Variants in AK7 observed in about 807,000 individuals in gnomAD.
The protein encoded by AK7 is adenylate kinase 7.
In AK7, 78 loss-of-function variants were observed where a neutral mutation model predicts 96.6. The ratio of observed to expected loss-of-function variants is 0.81; its 90% CI spans 0.67 to 0.97. The LOEUF is 0.97. Ranked by LOEUF, AK7 falls within the 50% of genes least tolerant of loss-of-function variation. The pLI, the probability that AK7 is intolerant of heterozygous loss-of-function variation, is 0.00. For synonymous variants in AK7, 302 were observed against 317.2 expected (o/e 0.95, Z 0.51); for missense variants, 855 against 887.9 (o/e 0.96, Z 0.47).
chr14:96,406,039 TC>T (rs1360000461), intron 3 of AK7, among the ~76,000 whole-genome samples: 1 of 141,922 alleles, frequency 7.0e-6, no homozygotes, highest in Non-Finnish European at 1.5e-5. Flanking sequence ...GTGTTTCATG[TC>T]CCCCCAAAGC....
intron 1 of AK7, among the ~76,000 whole-genome samples, chr14:96,394,075 C>T (rs1889915064): frequency 6.6e-6 from 1 of 151,648 alleles, no homozygotes; most frequent in Non-Finnish European, 1.5e-5. Flanking sequence ...CACCACTTCG[C>T]TCCAGCCTGG....
At chr14:96,447,232 C>T (rs1893293586) in intron 8 of AK7, among the ~76,000 whole-genome samples, 1 of 152,216 alleles carries the variant, frequency 6.6e-6, no homozygotes, top group Admixed American at 6.5e-5. Context: ...CCAATAGGCA[C>T]TTGCCCCAAA....
chr14:96,440,655 G>A (rs946162517), intron 6 of AK7, among the ~76,000 whole-genome samples: 2 of 152,066 alleles, frequency 1.3e-5, no homozygotes, highest in African/African-American at 4.8e-5. Flanking sequence ...CCTCCAACCA[G>A]CTACATGATC....
chr14:96,486,075 C>A (rs538037699), intron 16 of AK7, among the ~76,000 whole-genome samples: 1 of 152,150 alleles, frequency 6.6e-6, no homozygotes, highest in South Asian at 2.1e-4. Context: ...TGAGCCACCG[C>A]GCCCAGCCCA....
intron 3 of AK7, among the ~76,000 whole-genome samples, chr14:96,407,041 C>T (rs774097111): frequency 1.1e-4 from 16 of 152,090 alleles, no homozygotes; most frequent in African/African-American, 1.4e-4. Flanking sequence ...CCTTGCCTTT[C>T]GCAGATACTA....
chr14:96,394,560 G>A (rs978261525), intron 1 of AK7, among the ~76,000 whole-genome samples: 15 of 152,320 alleles, frequency 9.8e-5, no homozygotes, highest in South Asian at 2.1e-4. Context: ...ATAGATTAGT[G>A]GAGCAGAGGC....
chr14:96,484,510 G>T (rs1261390656), intron 16 of AK7, among the ~76,000 whole-genome samples: 2 of 152,078 alleles, frequency 1.3e-5, no homozygotes, highest in African/African-American at 4.8e-5. Context: ...TGTCATTGTG[G>T]TCAAGGTCCT....
In AK7 at chr14:96,466,243, A is replaced by AT. The variant is rs905279737; in HGVS notation, c.1358-5225dup. ...TTTAATTTTTATTACTTATTTATTT[A>AT]TTTTTTTTTTGAGACAGAGTCCTCG... On this transcript the variant is annotated intron_variant, in intron 12 of 17. Transcript: ENST00000267584. 1.0e-3 allele frequency among the ~76,000 whole-genome samples: 147 copies of AT among 140,318 alleles called. 1 individual carries two copies. Among genetic ancestry groups the AT allele is most frequent in the African/African-American group, 3.1e-3 (117 of 37,776 alleles). 92.1% of individuals were successfully genotyped at this position (140,318 alleles called of 152,430 possible).
chr14:96,477,222 C>T (rs1895236656), intron 14 of AK7, among the ~76,000 whole-genome samples: 1 of 152,320 alleles, frequency 6.6e-6, no homozygotes, highest in East Asian at 1.9e-4. Flanking sequence ...GCTGTCTCAG[C>T]CTTTGTTTTC....
chr14:96,420,775 A>G (rs375565435), intron 4 of AK7, 47 bp from the exon 5 acceptor site: 110 of 1,332,744 alleles, frequency 8.3e-5, no homozygotes, highest in Non-Finnish European at 1.1e-4. Flanking sequence ...GAAGTCACAC[A>G]TCTCTAATTC....
At chr14:96,411,214 T>A (rs557553033) in intron 4 of AK7, among the ~76,000 whole-genome samples, 3 of 151,976 alleles carry the variant, frequency 2.0e-5, no homozygotes, top group African/African-American at 7.2e-5. Context: ...TTTAATTTTT[T>A]AAAAGAAAAA....
chr14:96,448,111 A>C (rs1470190686), intron 8 of AK7, among the ~76,000 whole-genome samples: 1 of 150,330 alleles, frequency 6.7e-6, no homozygotes, highest in Admixed American at 6.6e-5. Flanking sequence ...CCTGGGTGAC[A>C]GAGTGAGACC....
chr14:96,438,052 C>A (rs1178729864), intron 6 of AK7, 137 bp downstream of exon 6: 4 of 595,342 alleles, frequency 6.7e-6, no homozygotes, highest in Non-Finnish European at 8.6e-6. Context: ...ATGGATGTCA[C>A]CACAAAGACC....
intron 12 of AK7, among the ~76,000 whole-genome samples, chr14:96,469,418 G>A (rs928002698): frequency 6.6e-6 from 1 of 152,040 alleles, no homozygotes; most frequent in Admixed American, 6.6e-5. Context: ...CCAGCTACTC[G>A]GGAGGCTGAG....
At chr14:96,483,257 G>A in intron 16 of AK7, 38 bp downstream of exon 16, 1 of 1,555,492 alleles carries the variant, frequency 6.4e-7, no homozygotes, top group South Asian at 1.2e-5. Context: ...GTGTATCTGT[G>A]GAACAGGGGT....
chr14:96,406,264 A>T (rs576535464), intron 3 of AK7, among the ~76,000 whole-genome samples: 1 of 152,238 alleles, frequency 6.6e-6, no homozygotes, highest in African/African-American at 2.4e-5. Context: ...GTGCCTCTTG[A>T]TTGTGAATTT....
At chr14:96,441,147 T>C (rs1429928852) in intron 6 of AK7, among the ~76,000 whole-genome samples, 4 of 152,142 alleles carry the variant, frequency 2.6e-5, no homozygotes, top group Non-Finnish European at 5.9e-5. Flanking sequence ...TTATGTAAGA[T>C]AAAATAGACA....
chr14:96,478,036 G>A (rs1406654638), intron 14 of AK7, among the ~76,000 whole-genome samples: 1 of 152,020 alleles, frequency 6.6e-6, no homozygotes, highest in Non-Finnish European at 1.5e-5. Flanking sequence ...ATACATATAA[G>A]TATGTATTTT....
intron 14 of AK7, among the ~76,000 whole-genome samples, chr14:96,477,926 C>A (rs1382001324): frequency 1.3e-5 from 2 of 152,144 alleles, no homozygotes; most frequent in Non-Finnish European, 2.9e-5. Context: ...CTTATCCCTG[C>A]CAGCACTTTG....
Sources: allele counts gnomAD v4.1 joint callset (sites outside exome capture counted in the v4.1 genomes callset), GRCh38; gene constraint gnomAD v4.1.1; transcripts MANE v1.5; gene names NCBI Gene and HGNC (gene_info 2026-07-23, HGNC 2026-07-21).